Variants in ZNF680 observed in about 807,000 individuals in gnomAD.
ZNF680 encodes the protein hypothetical protein FLJ90430.
ZNF680 carries 6 observed loss-of-function variants against 12.1 expected under a neutral mutation model. The ratio of observed to expected loss-of-function variants is 0.49; its 90% CI spans 0.27 to 0.98. The LOEUF is 0.98. ZNF680 is among the 50% of genes least tolerant of loss of function. The probability of loss-of-function intolerance (pLI) is 0.12; values close to 1 mark genes in which losing one functional copy is unlikely to be tolerated. For synonymous variants in ZNF680, 170 were observed against 199.3 expected, an observed-to-expected ratio of 0.85 and a Z score of 1.24; for missense variants, 561 against 616.3, an observed-to-expected ratio of 0.91 and a Z score of 0.95.
At chr7:64,501,662 A>C in the ZNF680 span, 1 of 998,414 alleles carries the variant, frequency 1.0e-6, no homozygotes, top group Non-Finnish European at 1.6e-6. Context: ...GAGTTGACCA[A>C]GGATGAAAAA....
the ZNF680 span, among the ~76,000 whole-genome samples, chr7:64,510,449 T>C: frequency 6.6e-6 from 1 of 151,804 alleles, no homozygotes; most frequent in African/African-American, 2.4e-5. Flanking sequence ...CAGCCCTTAA[T>C]ATTAAAAAAA....
chr7:64,554,235 C>T (rs143491581), intron 1 of ZNF680, among the ~76,000 whole-genome samples: 4,568 of 132,488 alleles, frequency 0.034, 343 homozygotes, highest in East Asian at 0.32. Context: ...TGCCCGGCCG[C>T]GACCCCGTCT....
chr7:64,544,846 C>A (rs375347892), intron 1 of ZNF680, among the ~76,000 whole-genome samples: 2 of 152,118 alleles, frequency 1.3e-5, no homozygotes, highest in African/African-American at 2.4e-5. Flanking sequence ...TCTTATTATG[C>A]GGATTGTTTT....
In ZNF680 at chr7:64,521,457, T is replaced by C; in HGVS notation, c.1297A>G (p.Thr433Ala). ...TTGCCACATTCTTCACATTTGTAGG[T>C]ATTCTCTCTAGTGTGAATTCTCTTA... Reference protein sequence around the residue: ...RHKRIHTRENTYKCEECGKGF... With the variant: ...RHKRIHTRENAYKCEECGKGF... The change falls in exon 4 of 4, where the codon ACC (threonine) becomes GCC (alanine). Residue 433 changes from threonine to alanine, a missense_variant. Thr to Ala is a moderately conservative substitution (Grantham distance 58). Coordinates refer to ENST00000309683, the MANE Select transcript of ZNF680 (RefSeq NM_178558.5). The C allele has an allele frequency of 6.2e-7, 1 of 1,610,934 alleles. No individual in the cohort carries two copies. Among genetic ancestry groups the C allele is most frequent in the Non-Finnish European group, 8.5e-7 (1 of 1,178,890 alleles).
In ZNF680 at chr7:64,562,906, T is replaced by C; in HGVS notation, c.30+19A>G. Reference sequence around the variant, plus strand: ...ACCAGCCCCTCCCCCTCTCTCGGGGTGTCGGACCGCACTCTCACCATTTCT... The same window carrying C: ...ACCAGCCCCTCCCCCTCTCTCGGGGCGTCGGACCGCACTCTCACCATTTCT... On this transcript the variant is annotated intron_variant, in intron 1 of 3. Coordinates refer to ENST00000309683, the MANE Select transcript of ZNF680 (RefSeq NM_178558.5). The C allele has an allele frequency of 6.2e-7, 1 of 1,613,164 alleles. No individual in the cohort carries two copies. The highest frequency in any genetic ancestry group is 8.5e-7 in the Non-Finnish European group (1 of 1,179,486).
At chr7:64,519,718 T>A (rs1191760918), downstream of ZNF680, among the ~76,000 whole-genome samples, 1 of 151,808 alleles carries the variant, frequency 6.6e-6, no homozygotes, top group Admixed American at 6.6e-5. Context: ...CATCAGTTAA[T>A]CTGGAGGACA....
chr7:64,531,616 C>A (rs1280464459), intron 3 of ZNF680, among the ~76,000 whole-genome samples: 7 of 130,142 alleles, frequency 5.4e-5, no homozygotes, highest in Non-Finnish European at 6.7e-5. Context: ...AAAAAAAAAA[C>A]CTAGAAATCA....
chr7:64,558,583 C>T (rs1787547972), intron 1 of ZNF680, among the ~76,000 whole-genome samples: 1 of 152,108 alleles, frequency 6.6e-6, no homozygotes, highest in African/African-American at 2.4e-5. Context: ...TCTGGGGACC[C>T]ACAGGCAGAT....
chr7:64,560,996 T>A (rs1787702827), intron 1 of ZNF680: 1 of 152,224 alleles, frequency 6.6e-6, no homozygotes, highest in South Asian at 2.1e-4. Context: ...CTTTACAAAT[T>A]TTTCACTATT....
At chr7:64,501,997 CT>C in the ZNF680 span, among the ~76,000 whole-genome samples, 31 of 104,516 alleles carry the variant, frequency 3.0e-4, no homozygotes, top group East Asian at 4.3e-3. Context: ...GGACGTATTT[CT>C]TTTTTTTTTT....
chr7:64,553,124 C>CAA (rs575545282), intron 1 of ZNF680, among the ~76,000 whole-genome samples: 3,495 of 119,676 alleles, frequency 0.029, 105 homozygotes, highest in East Asian at 0.077. Context: ...CACTCTATCT[C>CAA]AAAAAAAAAA....
In ZNF680 at chr7:64,521,199, T is replaced by A; in HGVS notation, c.1555A>T (p.Lys519Ter). 6.2e-7 allele frequency: 1 copy of A among 1,612,614 alleles called. No homozygotes were observed. Among genetic ancestry groups the A allele is most frequent in the Non-Finnish European group, 8.5e-7 (1 of 1,179,274 alleles). Residue 519 changes from lysine (K) to a stop codon, truncating the protein, a stop_gained, in exon 4 of 4, where the codon AAA (lysine) becomes TAA (stop). Coordinates refer to ENST00000309683, the MANE Select transcript of ZNF680 (RefSeq NM_178558.5). LOFTEE classifies it low-confidence loss of function (END_TRUNC). ...AAATTATTGTCACATTTTTCAGGTT[T>A]GTAGAGTTTCTCACCAGTATGAATT... Reference protein sequence around the residue: ...KKIHTGEKLYKPEKCDNNFDN... With the variant: ...KKIHTGEKLY
At chr7:64,506,251 C>T in the ZNF680 span, among the ~76,000 whole-genome samples, 1 of 143,034 alleles carries the variant, frequency 7.0e-6, no homozygotes, top group Non-Finnish European at 1.5e-5. Flanking sequence ...GGCTTGAGTG[C>T]AGGGGCGCCG....
In ZNF680 at chr7:64,520,350, T is replaced by G. The variant is rs903005630; in HGVS notation, c.*811A>C. 6.6e-6 allele frequency: 1 copy of G among 151,832 alleles called. No individual in the cohort carries two copies. The highest frequency in any genetic ancestry group is 1.5e-5 in the Non-Finnish European group (1 of 67,748). 9.4% of individuals were successfully genotyped at this position (151,832 alleles called of 1,614,324 possible). A position where few individuals can be genotyped will look rare whatever the true frequency, so the allele number is the denominator to read the frequency against. The stretch of plus-strand genomic sequence containing the variant: ...ATTTTTTCAAGAAAAAAAGTATACT[T>G]TCAATGTAATTATAACTCTCCAAAG... On this transcript the variant is annotated 3_prime_UTR_variant, in exon 4 of 4. Transcript: ENST00000309683.
chr7:64,527,194 C>T (rs904008614), intron 3 of ZNF680, among the ~76,000 whole-genome samples: 10 of 152,084 alleles, frequency 6.6e-5, no homozygotes, highest in Non-Finnish European at 1.2e-4. Context: ...GCCGAGATCA[C>T]GCCATTGCAC....
rs1369046540 is a variant in ZNF680, at chr7:64,522,475, G to A, written c.279C>T (p.Asp93=). The change falls in exon 4 of 4, where the codon GAC becomes GAT. Residue 93 remains aspartate, a synonymous_variant. Transcript: ENST00000309683. ...PPVIYSHFTE[D]LWPEHSIKDS... ...CTTTTATGCTATGCTCTGGCCAAAG[G>A]TCTTCAGTGAAATGAGAATATATAA... is the stretch of plus-strand genomic sequence containing the variant. 1 of 1,529,966 alleles carries A rather than the reference G, an allele frequency of 6.5e-7. No homozygotes were observed. Among genetic ancestry groups the A allele is most frequent in the South Asian group, 1.3e-5 (1 of 74,442 alleles). 94.8% of individuals were successfully genotyped at this position (1,529,966 alleles called of 1,614,324 possible). A position where few individuals can be genotyped will look rare whatever the true frequency, so the allele number is the denominator to read the frequency against.
intron 3 of ZNF680, among the ~76,000 whole-genome samples, chr7:64,535,157 A>C (rs1323842937): frequency 6.6e-6 from 1 of 152,120 alleles, no homozygotes; most frequent in Non-Finnish European, 1.5e-5. Flanking sequence ...AAATTTAAAA[A>C]ATAAAAGAGA....
Position 64,543,729 on chromosome 7 carries a change from C to A in ZNF680, c.231G>T (p.Gln77His), listed in dbSNP as rs1309577204. 1 of 1,613,526 alleles carries A rather than the reference C, an allele frequency of 6.2e-7. No individual in the cohort carries two copies. ...TACCTGGGGGTTTGGCTACCATCTC[C>A]TGTCTCTTCCTATTCCAGGGCTCTT... ...QGKEPWNRKR[Q>H]EMVAKPPVIY... Residue 77 changes from glutamine (Q) to histidine (H), a missense_variant, in exon 3 of 4, where the codon CAG (glutamine) becomes CAT (histidine). Physicochemically the swap from Gln to His is conservative, Grantham distance 24. Coordinates refer to ENST00000309683, the MANE Select transcript of ZNF680 (RefSeq NM_178558.5).
rs1180116362 is a variant in ZNF680, at chr7:64,519,922, A to G, written c.*1239T>C. ...TTTAATTATAAAATTAAGCTTATAC[A>G]TAATCTAAAAATTTTCAAATGTACT... On this transcript the variant is annotated 3_prime_UTR_variant, in exon 4 of 4. Coordinates refer to ENST00000309683, the MANE Select transcript of ZNF680 (RefSeq NM_178558.5). 1 of 151,890 alleles carries G rather than the reference A, an allele frequency of 6.6e-6. No individual in the cohort carries two copies. The highest frequency in any genetic ancestry group is 1.9e-4 in the East Asian group (1 of 5,202). The allele number at this position is 151,890 out of a possible 1,614,324, so 9.4% of individuals were successfully genotyped here. A position where few individuals can be genotyped will look rare whatever the true frequency, so the allele number is the denominator to read the frequency against.
Sources: allele counts gnomAD v4.1 joint callset (sites outside exome capture counted in the v4.1 genomes callset), GRCh38; gene constraint gnomAD v4.1.1; transcripts MANE v1.5; gene names NCBI Gene and HGNC (gene_info 2026-07-23, HGNC 2026-07-21).